CACHD1: variants seen among roughly 807,000 people sequenced by gnomAD.
CACHD1 encodes cache domain containing 1.
A neutral mutation model predicts 138.7 loss-of-function variants in CACHD1; 71 were observed. The ratio of observed to expected loss-of-function variants is 0.51; its 90% CI spans 0.42 to 0.62. The LOEUF (loss-of-function observed/expected upper bound fraction) is 0.62. Ranked by LOEUF, CACHD1 falls within the 20% of genes least tolerant of loss-of-function variation. CACHD1 has a pLI of 0.00. For missense variants in CACHD1, 1,389 were observed against 1,625.3 expected (o/e 0.85, Z 2.50); for synonymous variants, 578 against 591.5 (o/e 0.98, Z 0.33).
intron 11 of CACHD1, 58 bp from the exon 12 acceptor site, chr1:64,654,628 A>G: frequency 7.7e-7 from 1 of 1,305,034 alleles, no homozygotes; most frequent in South Asian, 1.2e-5. Flanking sequence ...CCTTGCCTTT[A>G]ATTAAGTGCT....
intron 12 of CACHD1, among the ~76,000 whole-genome samples, chr1:64,656,212 A>C (rs769449565): frequency 6.6e-6 from 1 of 152,190 alleles, no homozygotes; most frequent in Non-Finnish European, 1.5e-5. Flanking sequence ...AAATGAAACT[A>C]TTTGAGAAAC....
At chr1:64,497,032 T>G (rs2100311673) in intron 1 of CACHD1, among the ~76,000 whole-genome samples, 1 of 151,780 alleles carries the variant, frequency 6.6e-6, no homozygotes, top group Admixed American at 6.6e-5. Flanking sequence ...GGGAATTTGG[T>G]CCTTAAAAAA....
intron 3 of CACHD1, among the ~76,000 whole-genome samples, chr1:64,591,048 G>T (rs887727234): frequency 1.3e-5 from 2 of 152,138 alleles, no homozygotes; most frequent in Non-Finnish European, 2.9e-5. Context: ...TTTTAAACTG[G>T]AGCCATTTGC....
intron 4 of CACHD1, among the ~76,000 whole-genome samples, chr1:64,619,077 C>T (rs1395062040): frequency 6.6e-6 from 1 of 152,062 alleles, no homozygotes; most frequent in East Asian, 1.9e-4. Context: ...TTAAAGAGGG[C>T]AGGCAAGGAG....
At chr1:64,599,337 A>C (rs1183914862) in intron 3 of CACHD1, among the ~76,000 whole-genome samples, 1 of 152,230 alleles carries the variant, frequency 6.6e-6, no homozygotes, top group African/African-American at 2.4e-5. Flanking sequence ...TAGGAAGAAG[A>C]CATAGGCATA....
At chr1:64,493,214 G>A (rs1433899578) in intron 1 of CACHD1, among the ~76,000 whole-genome samples, 2 of 152,162 alleles carry the variant, frequency 1.3e-5, no homozygotes, top group Admixed American at 6.5e-5. Context: ...TTTATCTTAT[G>A]TATAGCTAGG....
At chr1:64,531,153 G>C (rs982688172) in intron 1 of CACHD1, among the ~76,000 whole-genome samples, 1 of 152,048 alleles carries the variant, frequency 6.6e-6, no homozygotes, top group Non-Finnish European at 1.5e-5. Context: ...ATGTATTGTG[G>C]ATAGAATGAA....
chr1:64,484,694 G>T (rs989756996), intron 1 of CACHD1, among the ~76,000 whole-genome samples: 3 of 152,162 alleles, frequency 2.0e-5, no homozygotes, highest in Non-Finnish European at 4.4e-5. Context: ...CTCTGAATTT[G>T]GCTACTCTAG....
At chr1:64,576,356 C>T (rs1646967100) in intron 2 of CACHD1, among the ~76,000 whole-genome samples, 1 of 152,076 alleles carries the variant, frequency 6.6e-6, no homozygotes, top group Non-Finnish European at 1.5e-5. Flanking sequence ...TCTACATTGG[C>T]CCTTCGGTCC....
intron 1 of CACHD1, among the ~76,000 whole-genome samples, chr1:64,471,447 A>G (rs1444947505): frequency 4.6e-5 from 7 of 151,840 alleles, no homozygotes; most frequent in Non-Finnish European, 8.8e-5. Flanking sequence ...AGGCGCACCA[A>G]TGGGCGCCGG....
intron 1 of CACHD1, among the ~76,000 whole-genome samples, chr1:64,537,815 A>G (rs555555716): frequency 4.0e-4 from 61 of 152,356 alleles, no homozygotes; most frequent in Non-Finnish European, 7.5e-4. Flanking sequence ...CCAGTGAAGT[A>G]GCTATTATCA....
intron 4 of CACHD1, among the ~76,000 whole-genome samples, chr1:64,616,500 G>A (rs1647711761): frequency 6.6e-6 from 1 of 152,190 alleles, no homozygotes; most frequent in Admixed American, 6.5e-5. Flanking sequence ...TTACCCAGGT[G>A]ATGTGCTTGT....
chr1:64,662,021 A>T (rs1484680649), intron 13 of CACHD1, among the ~76,000 whole-genome samples: 1 of 152,216 alleles, frequency 6.6e-6, no homozygotes, highest in African/African-American at 2.4e-5. Flanking sequence ...AACCCAGAGA[A>T]GAGAGCCAAC....
intron 2 of CACHD1, among the ~76,000 whole-genome samples, chr1:64,552,146 A>G (rs1646763700): frequency 6.6e-6 from 1 of 152,094 alleles, no homozygotes; most frequent in Non-Finnish European, 1.5e-5. Context: ...TCAAATGTGA[A>G]AGTTTTTTCC....
chr1:64,638,302 G>A (rs1648590186), intron 7 of CACHD1, among the ~76,000 whole-genome samples: 1 of 152,176 alleles, frequency 6.6e-6, no homozygotes, highest in African/African-American at 2.4e-5. Context: ...CCACATGTGA[G>A]GTTATTCAAA....
intron 3 of CACHD1, among the ~76,000 whole-genome samples, chr1:64,590,987 T>A (rs1245004240): frequency 1.3e-5 from 2 of 152,228 alleles, no homozygotes; most frequent in Non-Finnish European, 2.9e-5. Flanking sequence ...CTTTGAAGAC[T>A]GATATAATTT....
chr1:64,475,171 CTTTTTT>C (rs3078373), intron 1 of CACHD1, among the ~76,000 whole-genome samples: 2 of 124,266 alleles, frequency 1.6e-5, no homozygotes, highest in Middle Eastern at 5.0e-3. Context: ...AAATTCCTTC[CTTTTTT>C]TTTTTTTTTT....
At chr1:64,493,169 GT>G (rs1646288156) in intron 1 of CACHD1, among the ~76,000 whole-genome samples, 1 of 152,206 alleles carries the variant, frequency 6.6e-6, no homozygotes, top group South Asian at 2.1e-4. Context: ...TCTTATAAAT[GT>G]TTGGAAATGC....
At chr1:64,655,196 G>A (rs1257236331) in intron 12 of CACHD1, among the ~76,000 whole-genome samples, 1 of 152,168 alleles carries the variant, frequency 6.6e-6, no homozygotes, top group African/African-American at 2.4e-5. Context: ...AAGCCTGAGA[G>A]GTTGAAGCTG....
Sources: allele counts gnomAD v4.1 joint callset (sites outside exome capture counted in the v4.1 genomes callset), GRCh38; gene constraint gnomAD v4.1.1; transcripts MANE v1.5; gene names NCBI Gene and HGNC (gene_info 2026-07-23, HGNC 2026-07-21).